The following CLEC16A variants were observed in gnomAD, a reference collection of about 807,000 sequenced individuals.
CLEC16A encodes C-type lectin domain containing 16A.
Under a neutral mutation model 109.5 loss-of-function variants are expected in CLEC16A, and 51 were observed. That is an observed-to-expected ratio of 0.47 (90% CI 0.37 to 0.59). CLEC16A has a LOEUF of 0.59. Ranked by LOEUF, CLEC16A falls within the 20% of genes least tolerant of loss-of-function variation. The pLI, the probability that CLEC16A is intolerant of heterozygous loss-of-function variation, is 0.00. For synonymous variants in CLEC16A, 673 were observed against 564.2 expected, an observed-to-expected ratio of 1.19 and a Z score of -2.73; for missense variants, 1,339 against 1,394.0, an observed-to-expected ratio of 0.96 and a Z score of 0.63.
intron 19 of CLEC16A, among the ~76,000 whole-genome samples, chr16:11,078,813 C>T (rs573928923): frequency 6.6e-6 from 1 of 152,306 alleles, no homozygotes; most frequent in South Asian, 2.1e-4. Flanking sequence ...AGATTCCCAT[C>T]TGCCCCTAAG....
chr16:11,125,848 C>T (rs887770838), intron 21 of CLEC16A, 131 bp from the exon 22 acceptor site: 17 of 848,862 alleles, frequency 2.0e-5, no homozygotes, highest in Admixed American at 1.1e-4. Flanking sequence ...GGCTGCCTGC[C>T]GCCCACTTGG....
intron 19 of CLEC16A, among the ~76,000 whole-genome samples, chr16:11,063,578 G>C (rs1311845743): frequency 6.6e-6 from 1 of 152,090 alleles, no homozygotes; most frequent in Non-Finnish European, 1.5e-5. Flanking sequence ...CCAAACAGCA[G>C]GAAGAGGTGG....
At chr16:11,121,772 C>T (rs958849315) in intron 20 of CLEC16A, among the ~76,000 whole-genome samples, 2 of 148,848 alleles carry the variant, frequency 1.3e-5, no homozygotes, top group African/African-American at 2.5e-5. Flanking sequence ...CCCAGCTACC[C>T]AGGAGGCTGA....
At chr16:11,140,981 T>G (rs1230187473) in intron 22 of CLEC16A, among the ~76,000 whole-genome samples, 1 of 152,164 alleles carries the variant, frequency 6.6e-6, no homozygotes, top group African/African-American at 2.4e-5. Flanking sequence ...TACATGTGAG[T>G]GCTTCACGTT....
intron 10 of CLEC16A, among the ~76,000 whole-genome samples, chr16:10,997,502 A>T (rs8057040): frequency 0.56 from 85,384 of 152,072 alleles, 25,788 homozygotes; most frequent in African/African-American, 0.79. Flanking sequence ...AAAGTTTTTT[A>T]AATTGTGATA....
chr16:11,054,267 G>A (rs2048098127), intron 18 of CLEC16A, among the ~76,000 whole-genome samples: 1 of 152,248 alleles, frequency 6.6e-6, no homozygotes, highest in African/African-American at 2.4e-5. Flanking sequence ...CAGTTTGTCA[G>A]GCATGTGGCA....
chr16:11,146,357 G>A (rs974982806), intron 22 of CLEC16A, among the ~76,000 whole-genome samples: 4 of 152,122 alleles, frequency 2.6e-5, no homozygotes, highest in African/African-American at 9.7e-5. Context: ...CCAAGTCCTG[G>A]GCTATACCAG....
chr16:11,058,690 A>G (rs1393256391), intron 18 of CLEC16A, among the ~76,000 whole-genome samples: 1 of 152,176 alleles, frequency 6.6e-6, no homozygotes, highest in Non-Finnish European at 1.5e-5. Flanking sequence ...ATTGGCCTAT[A>G]TTGGGAGCCA....
At chr16:11,060,613 A>C (rs2048429030) in intron 18 of CLEC16A, among the ~76,000 whole-genome samples, 1 of 152,142 alleles carries the variant, frequency 6.6e-6, no homozygotes, top group African/African-American at 2.4e-5. Context: ...TATGAAGGTC[A>C]CCTGATACTT....
chr16:10,978,566 C>G (rs2043146336), intron 8 of CLEC16A, among the ~76,000 whole-genome samples: 1 of 152,232 alleles, frequency 6.6e-6, no homozygotes, highest in African/African-American at 2.4e-5. Context: ...GCCACCGTGC[C>G]CAGCCAGGAC....
rs113370127 is a variant in CLEC16A at position 11,168,839 on chromosome 16, A to G, written c.2806+2287A>G. ...AGAAGGGAGACAGCTTTGTTGGGAT[A>G]GGAGCCCTTCTGCCAGTTGCTTGAT... is the stretch of plus-strand genomic sequence containing the variant. On this transcript the variant is annotated intron_variant, in intron 23 of 23. Transcript: ENST00000409790. 2.0e-3 allele frequency among the ~76,000 whole-genome samples: 305 copies of G among 152,394 alleles called. 2 individuals are homozygous for G. Among genetic ancestry groups the G allele is most frequent in the African/African-American group, 6.9e-3 (288 of 41,596 alleles).
rs546682801 is a variant in CLEC16A at position 11,028,602 on chromosome 16, C to A, written c.1537+3681C>A. Among the ~76,000 whole-genome samples the A allele has an allele frequency of 2.0e-5, 3 of 147,066 alleles. No homozygotes were observed. The East Asian group carries it at 5.9e-4, about 29-fold the overall frequency. ...TTTAATCATCGTAGGAAGCTTTGAT[C>A]ATTGATTTTTTAAGCAAATCAGCTT... On this transcript the variant is annotated intron_variant, in intron 13 of 23. Transcript: ENST00000409790.
At chr16:11,133,388 G>A (rs886345447) in intron 22 of CLEC16A, among the ~76,000 whole-genome samples, 2 of 151,652 alleles carry the variant, frequency 1.3e-5, no homozygotes, top group Non-Finnish European at 2.9e-5. Context: ...TCTGGGCCAT[G>A]CCTTGCTTTT....
At chr16:11,129,587 A>G (rs2053054230) in intron 22 of CLEC16A, among the ~76,000 whole-genome samples, 1 of 152,166 alleles carries the variant, frequency 6.6e-6, no homozygotes, top group Non-Finnish European at 1.5e-5. Context: ...ACTCCTGTAA[A>G]TCACTGTGGC....
intron 12 of CLEC16A, 92 bp from the exon 13 acceptor site, chr16:11,024,728 CA>C: frequency 1.1e-6 from 1 of 939,262 alleles, no homozygotes. Context: ...AGAGCTGTGT[CA>C]AAGGCAGCTA....
chr16:11,126,125 G>C lies in CLEC16A; in HGVS notation c.2620G>C (p.Ala874Pro). 1.2e-6 allele frequency: 2 copies of C among 1,613,800 alleles called. No individual in the cohort carries two copies. Among genetic ancestry groups the C allele is most frequent in the Non-Finnish European group, 1.7e-6 (2 of 1,179,870 alleles). ...CCCCACAGTGCAGCGCTCCGTGTTT[G>C]CATCGGTGGACAAGGTGCCAGGTGA... ...SDPTVQRSVFASVDKVPGFAV... is the reference protein window; with the variant it reads ...SDPTVQRSVFPSVDKVPGFAV... Residue 874 changes from alanine (A) to proline (P), a missense_variant, in exon 22 of 24, where the codon GCA becomes CCA. Coordinates refer to ENST00000409790, the MANE Select transcript of CLEC16A (RefSeq NM_015226.3).
chr16:10,957,972 A>G, intron 2 of CLEC16A, 62 bp downstream of exon 2: 2 of 1,518,950 alleles, frequency 1.3e-6, no homozygotes, highest in South Asian at 1.1e-5. Flanking sequence ...TTCTAAATGT[A>G]TACTATGAGT....
chr16:10,946,875 C>G (rs891649327), intron 1 of CLEC16A, among the ~76,000 whole-genome samples: 2 of 152,178 alleles, frequency 1.3e-5, no homozygotes, highest in Non-Finnish European at 2.9e-5. Context: ...CCCCAGGTGT[C>G]AGCAGCTGAA....
chr16:11,166,602 A>T (rs1451774520), intron 23 of CLEC16A, 50 bp downstream of exon 23: 34 of 1,493,656 alleles, frequency 2.3e-5, no homozygotes, highest in Non-Finnish European at 2.8e-5. Flanking sequence ...GAACCCCGTG[A>T]TCCCTCACCA....
Sources: gnomAD v4.1 joint callset for allele counts (sites outside exome capture counted in the v4.1 genomes callset) on GRCh38, gnomAD v4.1.1 for gene constraint, MANE v1.5 for transcripts, NCBI Gene and HGNC (gene_info 2026-07-23, HGNC 2026-07-21) for gene names.